KMT2C: variants seen among roughly 807,000 people sequenced by gnomAD.
KMT2C encodes histone-lysine N-methyltransferase 2C.
A neutral mutation model predicts 507.9 loss-of-function variants in KMT2C; 88 were observed. The observed-to-expected ratio is 0.17, with a 90% confidence interval of 0.15 to 0.21. KMT2C has a LOEUF of 0.21. Among genes scored for constraint, KMT2C ranks in the 10% least tolerant of loss-of-function variants. The pLI is 1.00. For missense variants in KMT2C, 4,954 were observed against 5,957.8 expected, an observed-to-expected ratio of 0.83 and a Z score of 5.55; for synonymous variants, 2,049 against 2,080.8, an observed-to-expected ratio of 0.98 and a Z score of 0.42.
In KMT2C at chr7:152,155,984, A is replaced by G; in HGVS notation, c.11886T>C (p.Leu3962=). The G allele has an allele frequency of 1.9e-6, 3 of 1,610,968 alleles. No individual in the cohort carries two copies. Among genetic ancestry groups the G allele is most frequent in the South Asian group, 1.1e-5 (1 of 90,426 alleles). The change falls in exon 46 of 59, where the codon CTT becomes CTC. Residue 3962 remains leucine, a synonymous_variant. Coordinates refer to ENST00000262189, the MANE Select transcript of KMT2C (RefSeq NM_170606.3). The part of the protein sequence containing the change: ...RPQDDLLARA[L]AQGPKTVDVP... Reference sequence around the variant, plus strand: ...CATCAACTGTCTTGGGGCCCTGAGCAAGAGCTCGGGCCAACAAGTCGTCCT... The same window carrying G: ...CATCAACTGTCTTGGGGCCCTGAGCGAGAGCTCGGGCCAACAAGTCGTCCT...
At chr7:152,281,531 A>G (rs2096208570) in intron 6 of KMT2C, among the ~76,000 whole-genome samples, 1 of 152,204 alleles carries the variant, frequency 6.6e-6, no homozygotes, top group Admixed American at 6.5e-5. Context: ...CAGGAGTTTG[A>G]GACCATCCTG....
chr7:152,305,110 C>T (rs1056852065), intron 6 of KMT2C, among the ~76,000 whole-genome samples: 10 of 152,008 alleles, frequency 6.6e-5, no homozygotes, highest in African/African-American at 1.7e-4. Context: ...ATCTTCAGTG[C>T]TATTAATTAG....
chr7:152,264,515 TAG>T (rs759865703), intron 8 of KMT2C, among the ~76,000 whole-genome samples: 8 of 152,198 alleles, frequency 5.3e-5, no homozygotes, highest in Non-Finnish European at 1.0e-4. Flanking sequence ...AGGTGGCTTT[TAG>T]AGAGATGCAG....
chr7:152,255,124 T>C (rs1278250719), intron 9 of KMT2C, among the ~76,000 whole-genome samples: 1 of 113,238 alleles, frequency 8.8e-6, no homozygotes, highest in African/African-American at 4.8e-5. Context: ...TATATATATA[T>C]ATATATATAT....
intron 53 of KMT2C, among the ~76,000 whole-genome samples, chr7:152,146,022 A>C (rs534357842): frequency 1.3e-5 from 2 of 152,324 alleles, no homozygotes; most frequent in South Asian, 4.1e-4. Context: ...CACACCAATG[A>C]TATTTTTATT....
chr7:152,210,955 G>C (rs2094442408), intron 23 of KMT2C, among the ~76,000 whole-genome samples: 1 of 152,174 alleles, frequency 6.6e-6, no homozygotes, highest in African/African-American at 2.4e-5. Context: ...TGGAAAAACA[G>C]AGGGAATTGT....
rs770383934 is a variant in KMT2C, at chr7:152,248,622, T to G, written c.1814-2A>C. ...TATTCACTGTATGTTGGGATGATAC[T>G]ACAAAATTCAGAACATTTGTTATGG... On this transcript the variant is annotated splice_acceptor_variant, in intron 13 of 58. Coordinates refer to ENST00000262189, the MANE Select transcript of KMT2C (RefSeq NM_170606.3). LOFTEE classifies it high-confidence loss of function. The G allele has an allele frequency of 4.8e-5, 76 of 1,578,446 alleles. No homozygotes were observed. In the South Asian group the frequency reaches 8.5e-4, roughly 18 times the overall value.
chr7:152,301,457 C>T (rs1200440685), intron 6 of KMT2C, among the ~76,000 whole-genome samples: 2 of 151,874 alleles, frequency 1.3e-5, no homozygotes, highest in African/African-American at 4.8e-5. Context: ...TGCAGTGAGC[C>T]GAGATCATGC....
intron 2 of KMT2C, among the ~76,000 whole-genome samples, chr7:152,349,664 G>A (rs1182961961): frequency 6.6e-6 from 1 of 151,944 alleles, no homozygotes; most frequent in Non-Finnish European, 1.5e-5. Flanking sequence ...GGGATTAATA[G>A]GTGGAACACC....
intron 6 of KMT2C, among the ~76,000 whole-genome samples, chr7:152,291,174 T>A (rs78636121): frequency 6.6e-6 from 1 of 152,162 alleles, no homozygotes; most frequent in African/African-American, 2.4e-5. Context: ...GTTGAGGGCA[T>A]TATTATTCAG....
chr7:152,357,590 T>C (rs887312809), intron 2 of KMT2C, among the ~76,000 whole-genome samples: 3 of 151,492 alleles, frequency 2.0e-5, no homozygotes, highest in African/African-American at 7.3e-5. Flanking sequence ...TTTTCAGTAG[T>C]AAAAGTAACA....
At chr7:152,287,822 G>A (rs554629956) in intron 6 of KMT2C, among the ~76,000 whole-genome samples, 3 of 151,746 alleles carry the variant, frequency 2.0e-5, no homozygotes, top group East Asian at 1.9e-4. Flanking sequence ...TCAGGAGTTC[G>A]AGACCAGCCT....
chr7:152,250,971 AC>A lies in KMT2C; in HGVS notation c.1622-6del, dbSNP rs1204507889. 18 of 1,472,878 alleles carry A rather than the reference AC, an allele frequency of 1.2e-5. No individual in the cohort carries two copies. The highest frequency in any genetic ancestry group is 1.7e-4 in the Middle Eastern group (1 of 5,842). The allele number at this position is 1,472,878 out of a possible 1,614,324, so 91.2% of individuals were successfully genotyped here. On this transcript the variant is annotated splice_polypyrimidine_tract_variant and splice_region_variant and intron_variant, in intron 11 of 58. Transcript: ENST00000262189. ...CTTCCATTTCATTGTTATAATCTTA[AC>A]AAAAAATTATTAATTCTTTAGCTCA...
At chr7:152,280,359 G>A (rs368443732) in intron 6 of KMT2C, among the ~76,000 whole-genome samples, 1 of 151,906 alleles carries the variant, frequency 6.6e-6, no homozygotes, top group East Asian at 1.9e-4. Flanking sequence ...TGGCTAACAC[G>A]GTAAAACCCC....
At chr7:152,302,674 C>T (rs981582450) in intron 6 of KMT2C, among the ~76,000 whole-genome samples, 5 of 152,008 alleles carry the variant, frequency 3.3e-5, no homozygotes, top group African/African-American at 1.2e-4. Context: ...AGAAGTCCTG[C>T]TCTGTTGCCC....
chr7:152,197,290 C>T (rs574216907), intron 27 of KMT2C, among the ~76,000 whole-genome samples: 2 of 152,220 alleles, frequency 1.3e-5, no homozygotes, highest in African/African-American at 4.8e-5. Context: ...AACCAAGAAA[C>T]TATTGGAACT....
At chr7:152,157,227 T>C (rs931969137) in intron 44 of KMT2C, among the ~76,000 whole-genome samples, 31 of 151,462 alleles carry the variant, frequency 2.0e-4, no homozygotes, top group Middle Eastern at 6.9e-3. Context: ...ACTTGGTAGG[T>C]TGAGGCACTA....
At position 152,146,703 on chromosome 7, in the gene KMT2C, A is replaced by G. The variant is rs773754166; in HGVS notation, c.13927T>C (p.Cys4643Arg). 10 of 1,614,100 alleles carry G rather than the reference A, an allele frequency of 6.2e-6. No individual in the cohort carries two copies. In the South Asian group the frequency reaches 8.8e-5, roughly 14 times the overall value. Residue 4643 changes from cysteine to arginine, a missense_variant, in exon 53 of 59, where the codon TGT (cysteine) becomes CGT (arginine). Around this residue, in one of 29 missense-constraint regions of KMT2C, gnomAD observed 221 missense variants for 304.7 expected, o/e 0.73. Coordinates refer to ENST00000262189, the MANE Select transcript of KMT2C (RefSeq NM_170606.3). ...VWDKILEPVA[C>R]VRKKSEMLQL... ...AGCATTTCAGACTTTTTTCTCACAC[A>G]TGCCACAGGCTCCAAAATCTTATCC...
intron 3 of KMT2C, among the ~76,000 whole-genome samples, chr7:152,328,153 T>C (rs547205197): frequency 1.3e-5 from 2 of 152,082 alleles, no homozygotes; most frequent in African/African-American, 2.4e-5. Context: ...CAGGTTACTA[T>C]GTAAAATATG....
Sources: gnomAD v4.1 joint callset for allele counts (sites outside exome capture counted in the v4.1 genomes callset) on GRCh38, gnomAD v4.1.1 for gene constraint, gnomAD v4.1.1 regional missense constraint, MANE v1.5 for transcripts, NCBI Gene and HGNC (gene_info 2026-07-23, HGNC 2026-07-21) for gene names.